The following BZW2 variants were observed in gnomAD, a reference collection of about 807,000 sequenced individuals.
The protein encoded by BZW2 is basic leucine zipper and W2 domains 2.
A neutral mutation model predicts 53.2 loss-of-function variants in BZW2; 23 were observed. That is an observed-to-expected ratio of 0.43 (90% CI 0.31 to 0.61). The LOEUF (loss-of-function observed/expected upper bound fraction) is 0.61, where lower values mean the gene tolerates loss of function less well. BZW2 is among the 20% of genes least tolerant of loss of function. The pLI, the probability that BZW2 is intolerant of heterozygous loss-of-function variation, is 0.09. For missense variants in BZW2, 409 were observed against 503.1 expected (o/e 0.81, Z 1.79); for synonymous variants, 227 against 186.4 (o/e 1.22, Z -1.77).
chr7:16,694,800 C>A lies in BZW2; in HGVS notation c.652-34C>A, dbSNP rs706035. The A allele has an allele frequency of 5.6e-3, 8,061 of 1,449,586 alleles. 332 individuals carry two copies. The African/African-American group carries it at 0.093, about 17-fold the overall frequency. 89.8% of individuals were successfully genotyped at this position (1,449,586 alleles called of 1,614,324 possible). A position where few individuals can be genotyped will look rare whatever the true frequency, so the allele number is the denominator to read the frequency against. On this transcript the variant is annotated intron_variant, in intron 7 of 11. Coordinates refer to ENST00000258761, the MANE Select transcript of BZW2 (RefSeq NM_014038.3). Reference sequence around the variant, plus strand: ...TTTATGCTTGCTGAAATTTGAATGGCTTGTTTTATAGCAGTCTTTTTTCCC... The same window carrying A: ...TTTATGCTTGCTGAAATTTGAATGGATTGTTTTATAGCAGTCTTTTTTCCC...
intron 4 of BZW2, among the ~76,000 whole-genome samples, chr7:16,681,764 G>A (rs1004045628): frequency 8.5e-5 from 13 of 152,158 alleles, no homozygotes; most frequent in East Asian, 1.9e-4. Context: ...CCCAGAAGGC[G>A]GAGGTTGCAG....
In BZW2 at chr7:16,650,385, A is replaced by C. The variant is rs145431257; in HGVS notation, c.-8+4097A>C. ...ATGTTCTTCTGTGCGTCATAATCCA[A>C]CTCAGAAGGCATTCCAAAAAAAAAG... On this transcript the variant is annotated intron_variant, in intron 1 of 11. Transcript: ENST00000258761. 9.2e-5 allele frequency among the ~76,000 whole-genome samples: 14 copies of C among 152,160 alleles called. No individual in the cohort carries two copies. In the East Asian group the frequency reaches 2.7e-3, roughly 29 times the overall value.
intron 6 of BZW2, chr7:16,687,464 C>T (rs563588295): frequency 6.6e-6 from 1 of 152,258 alleles, no homozygotes; most frequent in South Asian, 2.1e-4. Flanking sequence ...TGCCTGTAAT[C>T]CTAACACTTT....
chr7:16,681,469 C>T lies in BZW2; in HGVS notation c.339+65C>T, dbSNP rs896479423. Reference sequence around the variant, plus strand: ...TGAGGAAAACTCTATAGAAGCTCTACAGTCCACCCACTTTTTAAATAGGAA... The same window carrying T: ...TGAGGAAAACTCTATAGAAGCTCTATAGTCCACCCACTTTTTAAATAGGAA... On this transcript the variant is annotated intron_variant, in intron 4 of 11. Transcript: ENST00000258761. The T allele has an allele frequency of 5.5e-6, 7 of 1,275,462 alleles. No individual in the cohort carries two copies. In the Admixed American group the frequency reaches 6.4e-5, roughly 12 times the overall value. The allele number at this position is 1,275,462 out of a possible 1,614,324, so 79.0% of individuals were successfully genotyped here. A position where few individuals can be genotyped will look rare whatever the true frequency, so the allele number is the denominator to read the frequency against.
rs187475574 is a variant in BZW2 at position 16,661,260 on chromosome 7, C to T, written c.-7-4177C>T. On this transcript the variant is annotated intron_variant, in intron 1 of 11. Coordinates refer to ENST00000258761, the MANE Select transcript of BZW2 (RefSeq NM_014038.3). Reference sequence around the variant, plus strand: ...TGTAGGGACAACTAGAAGGTAAGTCCTCTGGTAGATCAGTTTCTTTCCAAA... The same window carrying T: ...TGTAGGGACAACTAGAAGGTAAGTCTTCTGGTAGATCAGTTTCTTTCCAAA... 5.9e-5 allele frequency: 9 copies of T among 152,220 alleles called. No homozygotes were observed. In the East Asian group the frequency reaches 1.7e-3, roughly 29 times the overall value. The allele number at this position is 152,220 out of a possible 1,614,324, so 9.4% of individuals were successfully genotyped here. A position where few individuals can be genotyped will look rare whatever the true frequency, so the allele number is the denominator to read the frequency against.
intron 7 of BZW2, among the ~76,000 whole-genome samples, chr7:16,694,491 C>T (rs1783418319): frequency 6.6e-6 from 1 of 151,980 alleles, no homozygotes; most frequent in African/African-American, 2.4e-5. Flanking sequence ...CACCAGGTCC[C>T]CTCCCAACAT....
At chr7:16,687,363 C>A (rs1389508310) in intron 6 of BZW2, 1 of 152,112 alleles carries the variant, frequency 6.6e-6, no homozygotes, top group South Asian at 2.1e-4. Context: ...ATGGCTTTTC[C>A]TTAAACTCTG....
At chr7:16,673,424 C>A (rs1219367020) in intron 2 of BZW2, among the ~76,000 whole-genome samples, 1 of 152,126 alleles carries the variant, frequency 6.6e-6, no homozygotes, top group Non-Finnish European at 1.5e-5. Context: ...TGTGATATTG[C>A]AGTAAATTGA....
intron 10 of BZW2, among the ~76,000 whole-genome samples, chr7:16,699,789 C>A (rs994119220): frequency 1.3e-5 from 2 of 152,180 alleles, no homozygotes; most frequent in Admixed American, 1.3e-4. Context: ...CTAATGCCAA[C>A]CTCCTTTTCC....
intron 10 of BZW2, among the ~76,000 whole-genome samples, chr7:16,702,446 A>C (rs1783696669): frequency 2.0e-5 from 3 of 152,152 alleles, no homozygotes; most frequent in Admixed American, 2.0e-4. Flanking sequence ...CTTATTTTAA[A>C]TTCTCCTTCC....
chr7:16,672,519 T>G (rs1006022714), intron 2 of BZW2, among the ~76,000 whole-genome samples: 14 of 152,212 alleles, frequency 9.2e-5, no homozygotes, highest in African/African-American at 2.7e-4. Context: ...TTGCAGTATC[T>G]TTCACCTTTC....
At chr7:16,700,361 T>G (rs1783629170) in intron 10 of BZW2, among the ~76,000 whole-genome samples, 1 of 152,206 alleles carries the variant, frequency 6.6e-6, no homozygotes, top group Non-Finnish European at 1.5e-5. Flanking sequence ...AGATTTTTAC[T>G]TTCACCTTAT....
At chr7:16,663,567 G>A (rs1215943266) in intron 1 of BZW2, among the ~76,000 whole-genome samples, 1 of 151,774 alleles carries the variant, frequency 6.6e-6, no homozygotes, top group East Asian at 1.9e-4. Context: ...GGAAAATTTG[G>A]TACATAAATA....
chr7:16,647,149 G>A (rs148707670), intron 1 of BZW2, among the ~76,000 whole-genome samples: 263 of 152,218 alleles, frequency 1.7e-3, no homozygotes, highest in African/African-American at 6.1e-3. Flanking sequence ...TAAAATGCGG[G>A]AATCAGTCAT....
intron 2 of BZW2, among the ~76,000 whole-genome samples, chr7:16,673,305 T>G (rs1428470192): frequency 6.6e-6 from 1 of 152,180 alleles, no homozygotes; most frequent in Non-Finnish European, 1.5e-5. Context: ...CTGTCAGTCC[T>G]CTGAAGCCCC....
chr7:16,705,076 G>T (rs1245767996), intron 11 of BZW2, among the ~76,000 whole-genome samples: 1 of 152,186 alleles, frequency 6.6e-6, no homozygotes, highest in East Asian at 1.9e-4. Flanking sequence ...GTGAATTCAG[G>T]CCAGGTGTGG....
At chr7:16,698,003 A>G in intron 9 of BZW2, 45 bp from the exon 10 acceptor site, 1 of 1,611,466 alleles carries the variant, frequency 6.2e-7, no homozygotes, top group Non-Finnish European at 8.5e-7. Context: ...TCGGCTCTGT[A>G]CCTCCCACGC....
chr7:16,695,160 G>C (rs899396689), intron 8 of BZW2, among the ~76,000 whole-genome samples, 156 bp downstream of exon 8: 1 of 152,182 alleles, frequency 6.6e-6, no homozygotes, highest in African/African-American at 2.4e-5. Context: ...CAGCTTCAAA[G>C]TATTGATTTA....
rs112882452 is a variant in BZW2, at chr7:16,696,722, A to AG, written c.823-193_823-192insG. Among the ~76,000 whole-genome samples the AG allele has an allele frequency of 2.0e-5, 3 of 152,260 alleles. 1 individual carries two copies. The highest frequency in any genetic ancestry group is 7.2e-5 in the African/African-American group (3 of 41,526). ...TAAGCCTATTAATTTTGGGACTAAAAATAAATTTGCTTTGAGAACAAATCA... is the reference window on the plus strand; with the variant it reads ...TAAGCCTATTAATTTTGGGACTAAAAGATAAATTTGCTTTGAGAACAAATCA... On this transcript the variant is annotated intron_variant, in intron 8 of 11. Transcript: ENST00000258761.
Sources: gnomAD v4.1 joint callset for allele counts (sites outside exome capture counted in the v4.1 genomes callset) on GRCh38, gnomAD v4.1.1 for gene constraint, MANE v1.5 for transcripts, NCBI Gene and HGNC (gene_info 2026-07-23, HGNC 2026-07-21) for gene names.